Variants in KCNJ3 observed in about 807,000 individuals in gnomAD.
The protein encoded by KCNJ3 is G protein-activated inward rectifier potassium channel 1.
KCNJ3 carries 4 observed loss-of-function variants against 39.2 expected under a neutral mutation model. The ratio of observed to expected loss-of-function variants is 0.10; its 90% CI spans 0.05 to 0.23. The LOEUF is 0.23. Ranked by LOEUF, KCNJ3 falls within the 10% of genes least tolerant of loss-of-function variation. KCNJ3 has a pLI of 1.00. For missense variants in KCNJ3, 276 were observed against 634.9 expected (o/e 0.43, Z 6.08); for synonymous variants, 230 against 237.4 (o/e 0.97, Z 0.29).
intron 2 of KCNJ3, among the ~76,000 whole-genome samples, chr2:154,763,728 G>A (rs1394362356): frequency 2.0e-5 from 3 of 152,170 alleles, no homozygotes; most frequent in Non-Finnish European, 4.4e-5. Context: ...AACCCCAGCT[G>A]TACCTTCTAG....
At chr2:154,839,725 A>G (rs1361468136) in intron 2 of KCNJ3, among the ~76,000 whole-genome samples, 4 of 152,158 alleles carry the variant, frequency 2.6e-5, no homozygotes, top group Non-Finnish European at 5.9e-5. Flanking sequence ...GGCCATATAA[A>G]TGTCTTCCTT....
chr2:154,718,003 G>A (rs1190627538), intron 2 of KCNJ3, among the ~76,000 whole-genome samples: 1 of 152,142 alleles, frequency 6.6e-6, no homozygotes, highest in Non-Finnish European at 1.5e-5. Context: ...CCATATCTAA[G>A]TCAGGGGTAT....
intron 2 of KCNJ3, among the ~76,000 whole-genome samples, chr2:154,827,127 A>G (rs779888901): frequency 3.0e-4 from 45 of 152,142 alleles, no homozygotes; most frequent in Non-Finnish European, 5.4e-4. Context: ...TCCCAGCTTA[A>G]TAAGTCTGTT....
chr2:154,763,206 C>A (rs1686074929), intron 2 of KCNJ3, among the ~76,000 whole-genome samples: 1 of 152,086 alleles, frequency 6.6e-6, no homozygotes, highest in African/African-American at 2.4e-5. Context: ...ATGCTGCTAA[C>A]AGAATTAATC....
chr2:154,785,331 T>C (rs1686508537), intron 2 of KCNJ3, among the ~76,000 whole-genome samples: 1 of 152,198 alleles, frequency 6.6e-6, no homozygotes, highest in Non-Finnish European at 1.5e-5. Flanking sequence ...AGGACCCTCC[T>C]CCTGCCTTAC....
intron 2 of KCNJ3, among the ~76,000 whole-genome samples, chr2:154,852,615 C>CTAGATACTTTTCTTTA (rs1687775876): frequency 6.6e-6 from 1 of 151,872 alleles, no homozygotes; most frequent in Admixed American, 6.6e-5. Flanking sequence ...ATTCTTTATT[C>CTAGATACTTTTCTTTA]TAGATACTTT....
At chr2:154,769,864 G>T (rs550724164) in intron 2 of KCNJ3, among the ~76,000 whole-genome samples, 30 of 152,112 alleles carry the variant, frequency 2.0e-4, no homozygotes, top group South Asian at 1.2e-3. Flanking sequence ...AGTATATACA[G>T]AAATGGGTGG....
chr2:154,730,599 T>C (rs1685433190), intron 2 of KCNJ3, among the ~76,000 whole-genome samples: 1 of 152,130 alleles, frequency 6.6e-6, no homozygotes, highest in Admixed American at 6.6e-5. Context: ...TTTTTTAATA[T>C]GAAATAAGGC....
chr2:154,769,523 C>T (rs902532990), intron 2 of KCNJ3, among the ~76,000 whole-genome samples: 1 of 152,162 alleles, frequency 6.6e-6, no homozygotes, highest in African/African-American at 2.4e-5. Flanking sequence ...AGCCTTACAT[C>T]CCACGGATGA....
intron 2 of KCNJ3, among the ~76,000 whole-genome samples, chr2:154,839,523 A>G (rs1452498463): frequency 2.0e-5 from 3 of 152,180 alleles, no homozygotes; most frequent in Non-Finnish European, 4.4e-5. Context: ...GTCTTCCACA[A>G]TGGTTGAACT....
At chr2:154,765,154 T>C (rs1396964171) in intron 2 of KCNJ3, among the ~76,000 whole-genome samples, 1 of 152,162 alleles carries the variant, frequency 6.6e-6, no homozygotes, top group Non-Finnish European at 1.5e-5. Context: ...TCCAGAGCCC[T>C]AGTTATGGCA....
chr2:154,781,906 A>G (rs992496572), intron 2 of KCNJ3, among the ~76,000 whole-genome samples: 6 of 152,196 alleles, frequency 3.9e-5, no homozygotes, highest in African/African-American at 1.4e-4. Flanking sequence ...CAGTGTTTTA[A>G]TTAGGCTGGT....
At chr2:154,726,693 C>T (rs1222952089) in intron 2 of KCNJ3, among the ~76,000 whole-genome samples, 1 of 151,610 alleles carries the variant, frequency 6.6e-6, no homozygotes, top group Non-Finnish European at 1.5e-5. Context: ...AATTCACAGT[C>T]ACAAAAATAT....
chr2:154,698,767 C>T lies in KCNJ3; in HGVS notation c.-9C>T. ...CTTCGCGTTTGAATCTGGCTCGCCCCTTCGTATTATGTCTGCACTCCGAAG... is the reference window on the plus strand; with the variant it reads ...CTTCGCGTTTGAATCTGGCTCGCCCTTTCGTATTATGTCTGCACTCCGAAG... On this transcript the variant is annotated 5_prime_UTR_variant, in exon 1 of 3. Coordinates refer to ENST00000295101, the MANE Select transcript of KCNJ3 (RefSeq NM_002239.4). 6.3e-7 allele frequency: 1 copy of T among 1,597,488 alleles called. No homozygotes were observed. The highest frequency in any genetic ancestry group is 8.6e-7 in the Non-Finnish European group (1 of 1,167,150).
intron 2 of KCNJ3, among the ~76,000 whole-genome samples, chr2:154,828,901 C>A (rs946431819): frequency 6.6e-6 from 1 of 152,112 alleles, no homozygotes; most frequent in South Asian, 2.1e-4. Context: ...TTAAGTATAT[C>A]AAAAATATAT....
intron 2 of KCNJ3, among the ~76,000 whole-genome samples, chr2:154,778,344 C>T (rs527344130): frequency 6.6e-6 from 1 of 152,164 alleles, no homozygotes; most frequent in South Asian, 2.1e-4. Context: ...GCCAAGATTA[C>T]TGTAGTGAAT....
At chr2:154,731,138 G>T (rs1266337043) in intron 2 of KCNJ3, among the ~76,000 whole-genome samples, 1 of 152,028 alleles carries the variant, frequency 6.6e-6, no homozygotes, top group Non-Finnish European at 1.5e-5. Context: ...AAGATGAATA[G>T]AATTTTAGCC....
intron 2 of KCNJ3, among the ~76,000 whole-genome samples, chr2:154,803,837 G>T (rs940492400): frequency 4.0e-5 from 6 of 151,884 alleles, no homozygotes; most frequent in African/African-American, 1.5e-4. Flanking sequence ...AATGAGTAAC[G>T]CTGATTAGGC....
At chr2:154,804,240 T>C (rs1035006496) in intron 2 of KCNJ3, among the ~76,000 whole-genome samples, 2 of 152,104 alleles carry the variant, frequency 1.3e-5, no homozygotes, top group Non-Finnish European at 2.9e-5. Flanking sequence ...CCGATGAATG[T>C]TGGTAAATGT....
Sources: allele counts gnomAD v4.1 joint callset (sites outside exome capture counted in the v4.1 genomes callset), GRCh38; gene constraint gnomAD v4.1.1; transcripts MANE v1.5; gene names NCBI Gene and HGNC (gene_info 2026-07-23, HGNC 2026-07-21).